The following CAMSAP2 variants were observed in gnomAD, a reference collection of about 807,000 sequenced individuals.
CAMSAP2 encodes calmodulin regulated spectrin associated protein family member 2.
Under a neutral mutation model 146.1 loss-of-function variants are expected in CAMSAP2, and 26 were observed. That is an observed-to-expected ratio of 0.18 (90% CI 0.13 to 0.25). CAMSAP2 has a LOEUF of 0.25. Among genes scored for constraint, CAMSAP2 ranks in the 10% least tolerant of loss-of-function variants. CAMSAP2 has a pLI of 1.00. For missense variants in CAMSAP2, 1,381 were observed against 1,759.3 expected, an observed-to-expected ratio of 0.78 and a Z score of 3.85; for synonymous variants, 499 against 596.6, an observed-to-expected ratio of 0.84 and a Z score of 2.38.
intron 1 of CAMSAP2, among the ~76,000 whole-genome samples, chr1:200,752,991 C>T (rs1217100621): frequency 6.6e-6 from 1 of 151,802 alleles, no homozygotes. Flanking sequence ...ATGATATTAA[C>T]ACTTCTGAAG....
chr1:200,844,446 G>A (rs1001555917), intron 7 of CAMSAP2, among the ~76,000 whole-genome samples: 3 of 151,980 alleles, frequency 2.0e-5, no homozygotes, highest in Non-Finnish European at 2.9e-5. Context: ...TGCTTGGGAG[G>A]CTGAGGCAGG....
At chr1:200,798,986 A>G (rs996656042) in intron 2 of CAMSAP2, among the ~76,000 whole-genome samples, 1 of 152,204 alleles carries the variant, frequency 6.6e-6, no homozygotes, top group East Asian at 1.9e-4. Flanking sequence ...ATTTGCGTAT[A>G]TTGAACCAGC....
At chr1:200,826,260 G>A (rs554327603) in intron 4 of CAMSAP2, among the ~76,000 whole-genome samples, 9 of 151,862 alleles carry the variant, frequency 5.9e-5, no homozygotes, top group Non-Finnish European at 1.0e-4. Flanking sequence ...GTGAAACCCC[G>A]TCTCTACCAA....
chr1:200,858,230 AC>A lies in CAMSAP2; in HGVS notation c.*172del. ...AAACCACAGTATTTTGGAGTGCAGA[AC>A]ATTCTCAATTAAGTGATAAGTCCAA... On this transcript the variant is annotated 3_prime_UTR_variant, in exon 17 of 17. Coordinates refer to ENST00000358823, the MANE Select transcript of CAMSAP2 (RefSeq NM_203459.4). 1.9e-6 allele frequency: 1 copy of A among 533,642 alleles called. No individual in the cohort carries two copies. The highest frequency in any genetic ancestry group is 3.1e-5 in the East Asian group (1 of 32,692). The allele number at this position is 533,642 out of a possible 1,614,324, so 33.1% of individuals were successfully genotyped here. A position where few individuals can be genotyped will look rare whatever the true frequency, so the allele number is the denominator to read the frequency against.
chr1:200,823,830 T>C (rs545546607), intron 4 of CAMSAP2, among the ~76,000 whole-genome samples: 2 of 152,260 alleles, frequency 1.3e-5, no homozygotes, highest in African/African-American at 2.4e-5. Context: ...GCATATACTA[T>C]TGGGGATTCT....
chr1:200,802,706 G>C (rs1666067107), intron 2 of CAMSAP2, among the ~76,000 whole-genome samples: 1 of 151,970 alleles, frequency 6.6e-6, no homozygotes, highest in South Asian at 2.1e-4. Flanking sequence ...GTCTAAATCT[G>C]ATACAAGAAT....
intron 4 of CAMSAP2, among the ~76,000 whole-genome samples, chr1:200,817,179 C>CACACAT (rs1558192042): frequency 1.6e-5 from 1 of 61,090 alleles, no homozygotes; most frequent in African/African-American, 9.0e-5. Flanking sequence ...TGTGTATATA[C>CACACAT]ACACACACAC....
intron 6 of CAMSAP2, among the ~76,000 whole-genome samples, chr1:200,839,034 T>C (rs1433707305): frequency 2.0e-5 from 3 of 152,192 alleles, no homozygotes; most frequent in African/African-American, 4.8e-5. Flanking sequence ...ATTTTGGACA[T>C]AGGCCTTTGA....
chr1:200,771,715 A>G (rs1431580740), intron 2 of CAMSAP2, among the ~76,000 whole-genome samples: 1 of 152,150 alleles, frequency 6.6e-6, no homozygotes, highest in Non-Finnish European at 1.5e-5. Context: ...TTTTCTGGAA[A>G]ACTGGAAACC....
At chr1:200,800,683 T>C (rs1666010731) in intron 2 of CAMSAP2, among the ~76,000 whole-genome samples, 1 of 152,234 alleles carries the variant, frequency 6.6e-6, no homozygotes, top group African/African-American at 2.4e-5. Context: ...AATATTGTTA[T>C]GTGTGAATTT....
intron 2 of CAMSAP2, among the ~76,000 whole-genome samples, chr1:200,761,890 A>G (rs1664813062): frequency 6.6e-6 from 1 of 152,100 alleles, no homozygotes; most frequent in Non-Finnish European, 1.5e-5. Flanking sequence ...TCATGCAGGA[A>G]CTCTCTCATA....
At position 200,858,382 on chromosome 1, in the gene CAMSAP2, ATGG is replaced by A; in HGVS notation, c.*325_*327del. 4.7e-6 allele frequency: 1 copy of A among 212,942 alleles called. No individual in the cohort carries two copies. Among genetic ancestry groups the A allele is most frequent in the Non-Finnish European group, 9.3e-6 (1 of 108,064 alleles). 13.2% of individuals were successfully genotyped at this position (212,942 alleles called of 1,614,324 possible). A position where few individuals can be genotyped will look rare whatever the true frequency, so the allele number is the denominator to read the frequency against. On this transcript the variant is annotated 3_prime_UTR_variant, in exon 17 of 17. Coordinates refer to ENST00000358823, the MANE Select transcript of CAMSAP2 (RefSeq NM_203459.4). ...TATTAGTTGGATTTATCATTGAAATATGGTTAAGATTACAAATTATGTGTTTTA... is the reference window on the plus strand; with the variant it reads ...TATTAGTTGGATTTATCATTGAAATATTAAGATTACAAATTATGTGTTTTA...
chr1:200,830,299 CTG>C (rs3081676), intron 4 of CAMSAP2, among the ~76,000 whole-genome samples: 17,141 of 150,222 alleles, frequency 0.11, 1,035 homozygotes, highest in East Asian at 0.18. Flanking sequence ...TCATATAAAG[CTG>C]TGTGTGTGTG....
At chr1:200,806,454 G>C (rs1666171668) in intron 2 of CAMSAP2, among the ~76,000 whole-genome samples, 1 of 152,186 alleles carries the variant, frequency 6.6e-6, no homozygotes, top group Non-Finnish European at 1.5e-5. Flanking sequence ...CAGGCAGGCT[G>C]ATAACGTTGG....
In CAMSAP2 at chr1:200,853,167, C is replaced by T; in HGVS notation, c.3603-108C>T. The T allele has an allele frequency of 2.1e-6, 2 of 954,278 alleles. No homozygotes were observed. The highest frequency in any genetic ancestry group is 3.2e-6 in the Non-Finnish European group (2 of 625,718). The allele number at this position is 954,278 out of a possible 1,614,324, so 59.1% of individuals were successfully genotyped here. On this transcript the variant is annotated intron_variant, in intron 12 of 16. Transcript: ENST00000358823. This position sits in a 1 kb window ranked among gnomAD's most constrained non-coding sequence, Gnocchi z 5.1. Reference sequence around the variant, plus strand: ...CCTTTTAAATGAACCATTTATTCACCAAGGTGATGAAATAGAATTCTCCTT... The same window carrying T: ...CCTTTTAAATGAACCATTTATTCACTAAGGTGATGAAATAGAATTCTCCTT...
chr1:200,790,270 G>C (rs1665714125), intron 2 of CAMSAP2, among the ~76,000 whole-genome samples: 1 of 152,098 alleles, frequency 6.6e-6, no homozygotes, highest in Non-Finnish European at 1.5e-5. Context: ...CTGAGGGCAG[G>C]CCTTGTTAAG....
At chr1:200,751,653 C>T (rs1404987245) in intron 1 of CAMSAP2, among the ~76,000 whole-genome samples, 1 of 151,382 alleles carries the variant, frequency 6.6e-6, no homozygotes, top group Non-Finnish European at 1.5e-5. Context: ...ATTTAACAAA[C>T]CCTAGGAGCA....
In CAMSAP2 at chr1:200,849,205, A is replaced by T. The variant is rs1558209043; in HGVS notation, c.2436A>T (p.Lys812Asn). 6.2e-7 allele frequency: 1 copy of T among 1,613,702 alleles called. No homozygotes were observed. The highest frequency in any genetic ancestry group is 1.3e-5 in the African/African-American group (1 of 74,906). Residue 812 changes from lysine to asparagine, a missense_variant, in exon 11 of 17, where the codon AAA becomes AAT. Lys to Asn is a moderately conservative substitution (Grantham distance 94). Transcript: ENST00000358823. This position sits in a 1 kb window ranked among gnomAD's most constrained non-coding sequence, Gnocchi z 6.3. ...REEAAGAEDE[K>N]VYTDRAKEKE... ...AAGCGGCGGGTGCAGAAGATGAGAA[A>T]GTATATACTGATCGAGCAAAAGAAA...
intron 2 of CAMSAP2, among the ~76,000 whole-genome samples, chr1:200,802,923 G>A (rs1222453770): frequency 1.3e-5 from 2 of 152,170 alleles, no homozygotes; most frequent in Non-Finnish European, 2.9e-5. Context: ...GGTGGCCTTT[G>A]GATGATACTT....
Sources: gnomAD v4.1 joint callset for allele counts (sites outside exome capture counted in the v4.1 genomes callset) on GRCh38, gnomAD v4.1.1 for gene constraint, Gnocchi (gnomAD v3.1) non-coding constraint, MANE v1.5 for transcripts, NCBI Gene and HGNC (gene_info 2026-07-23, HGNC 2026-07-21) for gene names.